The following TOGARAM2 variants were observed in gnomAD, a reference collection of about 807,000 sequenced individuals.
TOGARAM2 encodes TOG array regulator of axonemal microtubules protein 2.
In TOGARAM2, 85 loss-of-function variants were observed where a neutral mutation model predicts 93.3. That is an observed-to-expected ratio of 0.91 (90% CI 0.76 to 1.09). The LOEUF (loss-of-function observed/expected upper bound fraction) is 1.09. Among genes scored for constraint, TOGARAM2 ranks in the 50% least tolerant of loss-of-function variants. TOGARAM2 has a pLI of 0.00. For synonymous variants in TOGARAM2, 593 were observed against 552.8 expected (o/e 1.07, Z -1.02); for missense variants, 1,277 against 1,334.5 (o/e 0.96, Z 0.67).
intron 1 of TOGARAM2, among the ~76,000 whole-genome samples, chr2:28,986,133 T>A (rs1174468822): frequency 3.8e-5 from 4 of 105,282 alleles, no homozygotes; most frequent in African/African-American, 6.7e-5. Context: ...AAAAAAAAGA[T>A]GTAGTGTGAG....
chr2:29,012,121 C>T (rs1664288609), intron 7 of TOGARAM2, among the ~76,000 whole-genome samples: 1 of 152,108 alleles, frequency 6.6e-6, no homozygotes, highest in African/African-American at 2.4e-5. Context: ...GGGATCCTTC[C>T]TGGATTGAAC....
chr2:28,987,476 A>G (rs1262902358), intron 1 of TOGARAM2, among the ~76,000 whole-genome samples: 1 of 152,158 alleles, frequency 6.6e-6, no homozygotes, highest in Non-Finnish European at 1.5e-5. Context: ...TTTTTAGTAG[A>G]CATGGGGTTT....
rs1206472036 is a variant in TOGARAM2 at position 29,003,525 on chromosome 2, G to A, written c.673G>A (p.Asp225Asn). 3 of 1,585,198 alleles carry A rather than the reference G, an allele frequency of 1.9e-6. No homozygotes were observed. The highest frequency in any genetic ancestry group is 2.6e-6 in the Non-Finnish European group (3 of 1,166,706). The change falls in exon 6 of 20, where the codon GAT becomes AAT. Residue 225 changes from aspartate to asparagine, a missense_variant. Physicochemically the swap from Asp to Asn is conservative, Grantham distance 23 (BLOSUM62 1). Transcript: ENST00000379558. The part of the protein sequence containing the change: ...QISWQYLHCN[D>N]EKMQKSLGAI... ...CTCCTGGCAATACCTGCACTGCAATGATGAGAAGATGCAGAAGTCCCTGGG... is the reference window on the plus strand; with the variant it reads ...CTCCTGGCAATACCTGCACTGCAATAATGAGAAGATGCAGAAGTCCCTGGG...
intron 1 of TOGARAM2, among the ~76,000 whole-genome samples, chr2:28,962,170 C>T (rs1038600454): frequency 6.6e-6 from 1 of 151,492 alleles, no homozygotes; most frequent in Admixed American, 6.6e-5. Context: ...ACTATATATA[C>T]ATACATAGTT....
intron 6 of TOGARAM2, among the ~76,000 whole-genome samples, chr2:29,010,489 C>T (rs1250795980): frequency 6.6e-6 from 1 of 152,116 alleles, no homozygotes; most frequent in African/African-American, 2.4e-5. Context: ...TCCACAGTCC[C>T]CAAGGATCAG....
At chr2:29,018,024 T>TG in intron 10 of TOGARAM2, 68 bp downstream of exon 10, 3 of 1,472,056 alleles carry the variant, frequency 2.0e-6, no homozygotes, top group South Asian at 1.4e-5. Flanking sequence ...CCCTGAGGCA[T>TG]GGCAGAGGTG....
At chr2:29,037,641 T>A (rs2148382101) in intron 18 of TOGARAM2, among the ~76,000 whole-genome samples, 1 of 151,016 alleles carries the variant, frequency 6.6e-6, no homozygotes, top group South Asian at 2.1e-4. Context: ...ACAGGCACCG[T>A]GTCCTTGGCT....
chr2:29,015,443 T>C lies in TOGARAM2; in HGVS notation c.1044+882T>C, dbSNP rs148671949. Among the ~76,000 whole-genome samples, 321 of 152,336 alleles carry C rather than the reference T, an allele frequency of 2.1e-3. 2 individuals are homozygous for C. The highest frequency in any genetic ancestry group is 7.4e-3 in the African/African-American group (308 of 41,572). ...CCAGCTAATCCTTCAGTTCCAACAC[T>C]TGTTCCCTCTCTGGCATCAACAATA... On this transcript the variant is annotated intron_variant, in intron 8 of 19. Transcript: ENST00000379558.
intron 14 of TOGARAM2, among the ~76,000 whole-genome samples, chr2:29,028,389 G>A (rs1665542993): frequency 6.6e-6 from 1 of 152,174 alleles, no homozygotes; most frequent in Non-Finnish European, 1.5e-5. Flanking sequence ...ACGTGCCCAG[G>A]AGCAGGACCG....
Position 28,994,806 on chromosome 2 carries a change from AC to A in TOGARAM2, c.-27del. 2 of 1,551,744 alleles carry A rather than the reference AC, an allele frequency of 1.3e-6. No homozygotes were observed. The highest frequency in any genetic ancestry group is 1.2e-5 in the South Asian group (1 of 84,066). ...CAGAAATAGCTGCTGCCTCTGGGCA[AC>A]CTTGTAGGCACCTTCTCCACCCAGG... On this transcript the variant is annotated 5_prime_UTR_variant, in exon 2 of 20. Coordinates refer to ENST00000379558, the MANE Select transcript of TOGARAM2 (RefSeq NM_199280.4).
intron 1 of TOGARAM2, among the ~76,000 whole-genome samples, chr2:28,970,448 G>T (rs1671931365): frequency 6.6e-6 from 1 of 152,150 alleles, no homozygotes; most frequent in Non-Finnish European, 1.5e-5. Context: ...CGCTTAGACT[G>T]GCAAATAATA....
At chr2:28,997,391 G>T (rs543364752) in intron 2 of TOGARAM2, among the ~76,000 whole-genome samples, 1 of 152,242 alleles carries the variant, frequency 6.6e-6, no homozygotes, top group East Asian at 1.9e-4. Context: ...CCTCCCTCTG[G>T]GAAGCTTTTT....
At position 29,018,042 on chromosome 2, in the gene TOGARAM2, T is replaced by A. The variant is rs747538841; in HGVS notation, c.1360+86T>A. The A allele has an allele frequency of 6.2e-5, 88 of 1,424,678 alleles. No homozygotes were observed. The Middle Eastern group carries it at 4.4e-3, about 71-fold the overall frequency. 88.3% of individuals were successfully genotyped at this position (1,424,678 alleles called of 1,614,324 possible). A position where few individuals can be genotyped will look rare whatever the true frequency, so the allele number is the denominator to read the frequency against. On this transcript the variant is annotated intron_variant, in intron 10 of 19. Coordinates refer to ENST00000379558, the MANE Select transcript of TOGARAM2 (RefSeq NM_199280.4). ...TGAGGCATGGCAGAGGTGACCTCGGTGGCTTTGCTTCCGCCCCTTGTCCAT... is the reference window on the plus strand; with the variant it reads ...TGAGGCATGGCAGAGGTGACCTCGGAGGCTTTGCTTCCGCCCCTTGTCCAT...
chr2:29,023,478 G>T (rs1665109230), intron 12 of TOGARAM2, among the ~76,000 whole-genome samples: 1 of 152,226 alleles, frequency 6.6e-6, no homozygotes, highest in Admixed American at 6.5e-5. Context: ...AGGAGGGATG[G>T]AGCGTCCAGG....
chr2:29,008,358 T>C (rs1664013613), intron 6 of TOGARAM2, among the ~76,000 whole-genome samples: 1 of 152,116 alleles, frequency 6.6e-6, no homozygotes, highest in Admixed American at 6.5e-5. Context: ...ATCACATTGG[T>C]TAGGCTGGTC....
At chr2:29,017,668 C>A in intron 9 of TOGARAM2, 124 bp from the exon 10 acceptor site, 1 of 968,410 alleles carries the variant, frequency 1.0e-6, no homozygotes, top group Non-Finnish European at 1.5e-6. Context: ...ACCTCGGACT[C>A]CCAACATGTT....
intron 1 of TOGARAM2, among the ~76,000 whole-genome samples, chr2:28,967,139 A>G (rs1474499936): frequency 1.3e-5 from 2 of 152,192 alleles, no homozygotes; most frequent in Non-Finnish European, 2.9e-5. Context: ...AATAGATAAC[A>G]TTTCCAAAAT....
At chr2:29,006,384 G>T (rs879367208) in intron 6 of TOGARAM2, among the ~76,000 whole-genome samples, 76 of 149,884 alleles carry the variant, frequency 5.1e-4, no homozygotes, top group Non-Finnish European at 9.8e-4. Context: ...GTATGTGTGT[G>T]AGTGCGTGTG....
intron 13 of TOGARAM2, among the ~76,000 whole-genome samples, chr2:29,025,391 G>A (rs1394727698): frequency 7.2e-6 from 1 of 138,580 alleles, no homozygotes; most frequent in African/African-American, 2.7e-5. Context: ...GAAATGAATT[G>A]TATTTTTTTT....
Sources: allele counts gnomAD v4.1 joint callset (sites outside exome capture counted in the v4.1 genomes callset), GRCh38; gene constraint gnomAD v4.1.1; transcripts MANE v1.5; gene names NCBI Gene and HGNC (gene_info 2026-07-23, HGNC 2026-07-21).